Variants in PZP observed in about 807,000 individuals in gnomAD.
The protein encoded by PZP is PZP alpha-2-macroglobulin like.
A neutral mutation model predicts 179.8 loss-of-function variants in PZP; 150 were observed. The observed-to-expected ratio is 0.83, with a 90% CI of 0.73 to 0.96. PZP has a LOEUF of 0.96. Among genes scored for constraint, PZP ranks in the 40% least tolerant of loss-of-function variants. The probability of loss-of-function intolerance (pLI) is 0.00; values close to 1 mark genes in which losing one functional copy is unlikely to be tolerated. For missense variants in PZP, 1,689 were observed against 1,764.0 expected, an observed-to-expected ratio of 0.96 and a Z score of 0.76; for synonymous variants, 624 against 652.3, an observed-to-expected ratio of 0.96 and a Z score of 0.66.
At chr12:9,176,996 G>C (rs1260133453) in intron 15 of PZP, among the ~76,000 whole-genome samples, 3 of 152,196 alleles carry the variant, frequency 2.0e-5, no homozygotes, top group Non-Finnish European at 4.4e-5. Context: ...AGAGGATCGA[G>C]TATATTTTAC....
intron 15 of PZP, among the ~76,000 whole-genome samples, chr12:9,179,190 T>C (rs1737452146): frequency 6.6e-6 from 1 of 152,208 alleles, no homozygotes; most frequent in Non-Finnish European, 1.5e-5. Flanking sequence ...GTTTCTGAAC[T>C]TTTCCCTTCC....
At chr12:9,193,944 C>T (rs1368158637) in intron 11 of PZP, 133 bp downstream of exon 11, 4 of 868,818 alleles carry the variant, frequency 4.6e-6, no homozygotes, top group African/African-American at 3.4e-5. Context: ...ATTCTATTAT[C>T]CTCAAATTTG....
chr12:9,155,712 C>T (rs966414532), intron 28 of PZP, among the ~76,000 whole-genome samples: 4 of 152,076 alleles, frequency 2.6e-5, no homozygotes, highest in African/African-American at 4.8e-5. Context: ...ACCTCTATGA[C>T]ATTTTTTCCT....
In PZP at chr12:9,170,083, C is replaced by T. The variant is rs1453687045; in HGVS notation, c.1840-492G>A. On this transcript the variant is annotated intron_variant, in intron 15 of 35. Coordinates refer to ENST00000261336, the MANE Select transcript of PZP (RefSeq NM_002864.3). The surrounding 1 kb of genome is among the most constrained non-coding windows in gnomAD (Gnocchi z 4.6). ...TGAAAAAGCTTATTAAATGCAGCAC[C>T]TTCAACTGAAATACCCAGGTTCTCA... 6.6e-6 allele frequency: 1 copy of T among 152,392 alleles called. No individual in the cohort carries two copies. The highest frequency in any genetic ancestry group is 2.1e-4 in the South Asian group (1 of 4,812). The allele number at this position is 152,392 out of a possible 1,614,324, so 9.4% of individuals were successfully genotyped here.
At chr12:9,174,021 CA>C (rs1399016265) in intron 15 of PZP, among the ~76,000 whole-genome samples, 1 of 152,004 alleles carries the variant, frequency 6.6e-6, no homozygotes, top group Non-Finnish European at 1.5e-5. Context: ...AGAGTCACAA[CA>C]AAAAAAGAAA....
At chr12:9,173,210 C>G (rs1184942513) in intron 15 of PZP, among the ~76,000 whole-genome samples, 1 of 152,180 alleles carries the variant, frequency 6.6e-6, no homozygotes, top group Non-Finnish European at 1.5e-5. Flanking sequence ...GAATAAACTG[C>G]TCCTGAATGA....
chr12:9,208,210 G>A lies in PZP; in HGVS notation c.83+49C>T, dbSNP rs540027808. ...AAGGAAGGCAAAGCGAAGACACAAG[G>A]GAGAGACTGAAACGCACTCTGGAGG... On this transcript the variant is annotated intron_variant, in intron 1 of 35. Coordinates refer to ENST00000261336, the MANE Select transcript of PZP (RefSeq NM_002864.3). 5.7e-4 allele frequency: 821 copies of A among 1,432,170 alleles called. 10 individuals are homozygous for A. The South Asian group carries it at 8.8e-3, about 15-fold the overall frequency. 88.7% of individuals were successfully genotyped at this position (1,432,170 alleles called of 1,614,324 possible). A position where few individuals can be genotyped will look rare whatever the true frequency, so the allele number is the denominator to read the frequency against.
At chr12:9,195,611 A>ATT (rs11398106) in intron 10 of PZP, among the ~76,000 whole-genome samples, 2,418 of 104,134 alleles carry the variant, frequency 0.023, 83 homozygotes, top group Admixed American at 0.048. Context: ...CCCACTGCTA[A>ATT]TTTTTTTTTT....
chr12:9,140,689 T>G, the PZP span, among the ~76,000 whole-genome samples: 1 of 152,202 alleles, frequency 6.6e-6, no homozygotes, highest in Non-Finnish European at 1.5e-5. Context: ...ATTAAATACC[T>G]ATGAGTTGGG....
At chr12:9,164,631 T>A (rs1371248884) in intron 19 of PZP, among the ~76,000 whole-genome samples, 1 of 152,144 alleles carries the variant, frequency 6.6e-6, no homozygotes, top group Non-Finnish European at 1.5e-5. Flanking sequence ...ACATGTCTAA[T>A]CCATACAAGA....
chr12:9,202,714 G>A (rs770355981), intron 2 of PZP, 30 bp from the exon 3 acceptor site: 1 of 1,602,620 alleles, frequency 6.2e-7, no homozygotes, highest in Non-Finnish European at 8.5e-7. Context: ...TTACTACTGA[G>A]GAACTGTGCA....
chr12:9,156,535 G>T (rs1197590510), intron 28 of PZP, among the ~76,000 whole-genome samples: 2 of 152,202 alleles, frequency 1.3e-5, no homozygotes, highest in East Asian at 3.8e-4. Flanking sequence ...GGGAATTTAG[G>T]GGGTATGGAA....
chr12:9,173,501 T>G (rs1393673981), intron 15 of PZP, among the ~76,000 whole-genome samples: 1 of 151,568 alleles, frequency 6.6e-6, no homozygotes, highest in African/African-American at 2.4e-5. Flanking sequence ...GATAGAGACA[T>G]GAAAAACCCT....
chr12:9,140,963 A>T, the PZP span, among the ~76,000 whole-genome samples: 9 of 152,210 alleles, frequency 5.9e-5, no homozygotes, highest in Non-Finnish European at 1.0e-4. Context: ...TTCTTATTGC[A>T]CTGATGGAAA....
At position 9,149,554 on chromosome 12, in the gene PZP, C is replaced by T; in HGVS notation, c.4426+7G>A. The T allele has an allele frequency of 6.2e-7, 1 of 1,611,902 alleles. No homozygotes were observed. The highest frequency in any genetic ancestry group is 8.5e-7 in the Non-Finnish European group (1 of 1,178,586). ...TCTAGTACTGGTCATAAGTGGTGAA[C>T]TCTTACCTGTGCTGCAGGGGGCGAT... On this transcript the variant is annotated splice_region_variant and intron_variant, in intron 35 of 35. Transcript: ENST00000261336.
At chr12:9,205,498 A>G (rs1944401385) in intron 1 of PZP, among the ~76,000 whole-genome samples, 1 of 152,234 alleles carries the variant, frequency 6.6e-6, no homozygotes, top group African/African-American at 2.4e-5. Context: ...GGAAGCTAAA[A>G]CATGAGATCC....
chr12:9,194,620 C>T (rs944421992), intron 10 of PZP, among the ~76,000 whole-genome samples: 3 of 151,950 alleles, frequency 2.0e-5, no homozygotes, highest in African/African-American at 7.3e-5. Context: ...GCCCGCCACC[C>T]CGCCCAGCTA....
chr12:9,196,925 G>T, intron 8 of PZP, 87 bp downstream of exon 8: 2 of 1,081,888 alleles, frequency 1.8e-6, no homozygotes, highest in South Asian at 2.9e-5. Context: ...CGACAAGCTT[G>T]TCCTGATGCC....
At chr12:9,155,120 T>G (rs745813998) in intron 28 of PZP, among the ~76,000 whole-genome samples, 1 of 152,308 alleles carries the variant, frequency 6.6e-6, no homozygotes, top group African/African-American at 2.4e-5. Context: ...AAGAGAAAAG[T>G]GGTAGAGAGA....
Sources: gnomAD v4.1 joint callset for allele counts (sites outside exome capture counted in the v4.1 genomes callset) on GRCh38, gnomAD v4.1.1 for gene constraint, Gnocchi (gnomAD v3.1) non-coding constraint, MANE v1.5 for transcripts, NCBI Gene and HGNC (gene_info 2026-07-23, HGNC 2026-07-21) for gene names.